ANKH: variants seen among roughly 807,000 people sequenced by gnomAD.
The protein encoded by ANKH is mineralization regulator ANKH.
A neutral mutation model predicts 49.0 loss-of-function variants in ANKH; 15 were observed. That is an observed-to-expected ratio of 0.31 (90% CI 0.20 to 0.47). The LOEUF is 0.47. ANKH is among the 20% of genes least tolerant of loss of function. The probability of loss-of-function intolerance (pLI) is 1.00; values close to 1 mark genes in which losing one functional copy is unlikely to be tolerated. For synonymous variants in ANKH, 273 were observed against 260.0 expected (o/e 1.05, Z -0.48); for missense variants, 429 against 652.0 (o/e 0.66, Z 3.72).
Position 14,739,345 on chromosome 5 carries a change from A to G in ANKH, c.1011+2482T>C, listed in dbSNP as rs142332479. Among the ~76,000 whole-genome samples, 1,351 of 152,268 alleles carry G rather than the reference A, an allele frequency of 8.9e-3. 21 individuals are homozygous for G. The highest frequency in any genetic ancestry group is 0.03 in the African/African-American group (1,263 of 41,542). On this transcript the variant is annotated intron_variant, in intron 8 of 11. Transcript: ENST00000284268. ...GGCAGAAGAATCATTTGAACCTGGG[A>G]AGCAGAGGTTGCAGTGAGCCGAGAT...
chr5:14,806,055 G>C (rs1283336186), intron 1 of ANKH, among the ~76,000 whole-genome samples: 1 of 152,136 alleles, frequency 6.6e-6, no homozygotes, highest in Non-Finnish European at 1.5e-5. Context: ...TGCACATAAG[G>C]AGACATGGAG....
intron 1 of ANKH, among the ~76,000 whole-genome samples, chr5:14,862,154 T>C (rs1472362291): frequency 6.6e-6 from 1 of 152,304 alleles, no homozygotes; most frequent in African/African-American, 2.4e-5. Context: ...GGGAATCGCT[T>C]GAACCCAGGA....
At position 14,807,113 on chromosome 5, in the gene ANKH, C is replaced by CTT. The variant is rs35180875; in HGVS notation, c.97-37924_97-37923dup. 1.6e-3 allele frequency among the ~76,000 whole-genome samples: 199 copies of CTT among 127,694 alleles called. 2 individuals carry two copies. The highest frequency in any genetic ancestry group is 4.9e-3 in the African/African-American group (167 of 34,354). The allele number at this position is 127,694 out of a possible 152,430, so 83.8% of individuals were successfully genotyped here. On this transcript the variant is annotated intron_variant, in intron 1 of 11. Transcript: ENST00000284268. ...TCCTGTGTGGTCTGCCATGATATTT[C>CTT]TTTTTTTTTTTTTTTTTTTGAGGTA...
In ANKH at chr5:14,751,294, C is replaced by A. The variant is rs915027719; in HGVS notation, c.517-55G>T. 3 of 1,569,876 alleles carry A rather than the reference C, an allele frequency of 1.9e-6. No individual in the cohort carries two copies. In the African/African-American group the frequency reaches 4.1e-5, roughly 21 times the overall value. On this transcript the variant is annotated intron_variant, in intron 4 of 11. Transcript: ENST00000284268. ...GAGGGGAGAAGCGGGAACCGACTGA[C>A]AGAAGCACAGGGGCACGCTCTTGAA...
intron 1 of ANKH, among the ~76,000 whole-genome samples, chr5:14,824,925 CA>C (rs1469079062): frequency 6.6e-6 from 1 of 152,138 alleles, no homozygotes; most frequent in Non-Finnish European, 1.5e-5. Context: ...TAACTTTGCA[CA>C]GTGGAAAATG....
chr5:14,816,037 T>C (rs1166923981), intron 1 of ANKH, among the ~76,000 whole-genome samples: 2 of 152,238 alleles, frequency 1.3e-5, no homozygotes, highest in Non-Finnish European at 2.9e-5. Flanking sequence ...TTTTTTGGCA[T>C]ATCAGTTTGA....
At chr5:14,815,186 T>G in intron 1 of ANKH, among the ~76,000 whole-genome samples, 1 of 152,214 alleles carries the variant, frequency 6.6e-6, no homozygotes, top group Non-Finnish European at 1.5e-5. Context: ...CTCCACCTAA[T>G]AATACCTACT....
At chr5:14,767,370 C>G (rs929776367) in intron 2 of ANKH, among the ~76,000 whole-genome samples, 2 of 152,124 alleles carry the variant, frequency 1.3e-5, no homozygotes, top group Admixed American at 1.3e-4. Context: ...TTCATATGTG[C>G]TTTCGTAGCA....
chr5:14,847,315 A>G (rs1741992606), intron 1 of ANKH, among the ~76,000 whole-genome samples: 1 of 152,200 alleles, frequency 6.6e-6, no homozygotes, highest in African/African-American at 2.4e-5. Context: ...GTTTGGAAAT[A>G]AAGTCTCCTT....
intron 4 of ANKH, among the ~76,000 whole-genome samples, chr5:14,752,530 A>G (rs1189329004): frequency 6.6e-6 from 1 of 152,244 alleles, no homozygotes; most frequent in Non-Finnish European, 1.5e-5. Context: ...TCAGAGAATC[A>G]GCCCAGCCTT....
chr5:14,779,197 T>G (rs911934883), intron 1 of ANKH, among the ~76,000 whole-genome samples: 4 of 152,156 alleles, frequency 2.6e-5, no homozygotes, highest in Non-Finnish European at 5.9e-5. Flanking sequence ...GGGCCATCCA[T>G]CTGGGGCTCT....
rs1448673031 is a variant in ANKH, at chr5:14,710,564, C to T, written c.*633G>A. The T allele has an allele frequency of 1.9e-5, 3 of 156,140 alleles. No individual in the cohort carries two copies. Among genetic ancestry groups the T allele is most frequent in the Non-Finnish European group, 2.8e-5 (2 of 70,402 alleles). The allele number at this position is 156,140 out of a possible 1,614,324, so 9.7% of individuals were successfully genotyped here. ...AAACCAAACCTTTCTACGGGAGATT[C>T]TGTCCATCTGTCAGCCTGCTGTGGT... On this transcript the variant is annotated 3_prime_UTR_variant, in exon 12 of 12. Coordinates refer to ENST00000284268, the MANE Select transcript of ANKH (RefSeq NM_054027.6).
chr5:14,835,872 A>G (rs1170112439), intron 1 of ANKH, among the ~76,000 whole-genome samples: 1 of 152,192 alleles, frequency 6.6e-6, no homozygotes, highest in Non-Finnish European at 1.5e-5. Context: ...TCCTCAATAA[A>G]ATACTGGCAA....
At position 14,834,583 on chromosome 5, in the gene ANKH, C is replaced by A. The variant is rs1227624739; in HGVS notation, c.96+36769G>T. Among the ~76,000 whole-genome samples the A allele has an allele frequency of 2.0e-5, 3 of 152,176 alleles. No individual in the cohort carries two copies. The South Asian group carries it at 6.2e-4, about 32-fold the overall frequency. ...ATCACATGAAGCCAGGAGTTCAAGA[C>A]CAGCCTGGCCAACATGGTGAAACTC... On this transcript the variant is annotated intron_variant, in intron 1 of 11. Coordinates refer to ENST00000284268, the MANE Select transcript of ANKH (RefSeq NM_054027.6).
At chr5:14,805,447 GTATA>G (rs1237558347) in intron 1 of ANKH, among the ~76,000 whole-genome samples, 11 of 87,678 alleles carry the variant, frequency 1.3e-4, no homozygotes, top group East Asian at 5.7e-4. Context: ...ATGTGTGTGT[GTATA>G]TATATATGTA....
chr5:14,808,084 A>AT (rs1162597037), intron 1 of ANKH, among the ~76,000 whole-genome samples: 1 of 152,018 alleles, frequency 6.6e-6, no homozygotes, highest in East Asian at 1.9e-4. Context: ...AGTTTTATTA[A>AT]TTTTTTTTGA....
Position 14,733,487 on chromosome 5 carries a change from C to T in ANKH, c.1011+8340G>A, listed in dbSNP as rs537134891. Among the ~76,000 whole-genome samples the T allele has an allele frequency of 6.6e-5, 10 of 152,360 alleles. No homozygotes were observed. The South Asian group carries it at 1.5e-3, about 22-fold the overall frequency. ...CCTGGGAGAGGGAAGCCAGTGAAGT[C>T]TCTCCTGTGCCCAGAGTGTTTTTTG... On this transcript the variant is annotated intron_variant, in intron 8 of 11. Transcript: ENST00000284268.
rs1738497204 is a variant in ANKH, at chr5:14,745,336, C to T, written c.915+534G>A. 6.6e-6 allele frequency among the ~76,000 whole-genome samples: 1 copy of T among 152,216 alleles called. No individual in the cohort carries two copies. Among genetic ancestry groups the T allele is most frequent in the Non-Finnish European group, 1.5e-5 (1 of 68,040 alleles). The stretch of plus-strand genomic sequence containing the variant: ...GTTACAGGGCAGAAGGGTTATGTGA[C>T]TCCCATGGCTGGGGAGACAGAGCAG... On this transcript the variant is annotated intron_variant, in intron 7 of 11. Coordinates refer to ENST00000284268, the MANE Select transcript of ANKH (RefSeq NM_054027.6). The surrounding 1 kb of genome is among the most constrained non-coding windows in gnomAD (Gnocchi z 4.7).
At position 14,713,722 on chromosome 5, in the gene ANKH, T is replaced by C. The variant is rs1343443230; in HGVS notation, c.1142-55A>G. ...CGTGCCCGCCATCCACTCCCCATCC[T>C]GCTGCCTCTGGACCAGGGCAGCACA... On this transcript the variant is annotated intron_variant, in intron 9 of 11. Transcript: ENST00000284268. This position sits in a 1 kb window ranked among gnomAD's most constrained non-coding sequence, Gnocchi z 4.4. 1.2e-6 allele frequency: 2 copies of C among 1,611,466 alleles called. No individual in the cohort carries two copies. The highest frequency in any genetic ancestry group is 1.7e-6 in the Non-Finnish European group (2 of 1,179,582).
Sources: gnomAD v4.1 joint callset for allele counts (sites outside exome capture counted in the v4.1 genomes callset) on GRCh38, gnomAD v4.1.1 for gene constraint, Gnocchi (gnomAD v3.1) non-coding constraint, MANE v1.5 for transcripts, NCBI Gene and HGNC (gene_info 2026-07-23, HGNC 2026-07-21) for gene names.